CNTN5: variants seen among roughly 807,000 people sequenced by gnomAD.
CNTN5 encodes the protein contactin-5.
CNTN5 carries 77 observed loss-of-function variants against 129.1 expected under a neutral mutation model. That is an observed-to-expected ratio of 0.60 (90% CI 0.50 to 0.72). CNTN5 has a LOEUF of 0.72. Among genes scored for constraint, CNTN5 ranks in the 30% least tolerant of loss-of-function variants. The pLI is 0.00. For missense variants in CNTN5, 1,478 were observed against 1,328.8 expected, an observed-to-expected ratio of 1.11 and a Z score of -1.75; for synonymous variants, 509 against 465.6, an observed-to-expected ratio of 1.09 and a Z score of -1.20.
intron 1 of CNTN5, among the ~76,000 whole-genome samples, chr11:99,053,330 A>C (rs894343127): frequency 6.6e-6 from 1 of 152,016 alleles, no homozygotes; most frequent in African/African-American, 2.4e-5. Context: ...AAAGAAAAAA[A>C]TAACAACTAA....
At chr11:99,021,817 T>C (rs1862883702) in intron 1 of CNTN5, among the ~76,000 whole-genome samples, 2 of 152,194 alleles carry the variant, frequency 1.3e-5, no homozygotes, top group South Asian at 4.1e-4. Context: ...CTGAGCTTTT[T>C]TCTAAAGGTT....
chr11:100,119,896 T>A (rs1234260941), intron 13 of CNTN5, among the ~76,000 whole-genome samples: 1 of 151,996 alleles, frequency 6.6e-6, no homozygotes, highest in African/African-American at 2.4e-5. Flanking sequence ...AAAGGAGTTC[T>A]GCACATTGGT....
intron 8 of CNTN5, among the ~76,000 whole-genome samples, chr11:99,993,252 A>T (rs1014249742): frequency 6.6e-6 from 1 of 152,330 alleles, no homozygotes; most frequent in African/African-American, 2.4e-5. Flanking sequence ...TTCTCAACAC[A>T]GTGATCTCAA....
intron 20 of CNTN5, among the ~76,000 whole-genome samples, chr11:100,300,875 G>A (rs1427789636): frequency 1.3e-5 from 2 of 151,474 alleles, no homozygotes; most frequent in East Asian, 1.9e-4. Flanking sequence ...CTAATGTAAA[G>A]GTTAAAACCA....
chr11:99,153,326 T>G (rs1440811831), intron 1 of CNTN5, among the ~76,000 whole-genome samples: 2 of 152,146 alleles, frequency 1.3e-5, no homozygotes, highest in African/African-American at 4.8e-5. Flanking sequence ...GGTTTGTTCA[T>G]TCCTTTTATT....
At chr11:100,177,348 T>C (rs912790258) in intron 13 of CNTN5, among the ~76,000 whole-genome samples, 2 of 152,068 alleles carry the variant, frequency 1.3e-5, no homozygotes, top group Non-Finnish European at 2.9e-5. Flanking sequence ...CTTTCCAGAA[T>C]TGATTACACT....
chr11:99,449,594 A>C (rs144244167), intron 2 of CNTN5, among the ~76,000 whole-genome samples: 25 of 152,290 alleles, frequency 1.6e-4, no homozygotes, highest in Middle Eastern at 3.4e-3. Flanking sequence ...ATTTCTCATG[A>C]TTCTGTGGAT....
chr11:99,732,131 C>T (rs1290455503), intron 3 of CNTN5, among the ~76,000 whole-genome samples: 1 of 152,050 alleles, frequency 6.6e-6, no homozygotes, highest in Non-Finnish European at 1.5e-5. Context: ...GTAAACAAGT[C>T]CTGATAGGCA....
At chr11:99,827,629 C>T (rs1027088245) in intron 4 of CNTN5, among the ~76,000 whole-genome samples, 1 of 152,110 alleles carries the variant, frequency 6.6e-6, no homozygotes, top group Admixed American at 6.6e-5. Flanking sequence ...GGCCCAGAAA[C>T]ATTTTCATAG....
intron 18 of CNTN5, among the ~76,000 whole-genome samples, chr11:100,277,579 C>A (rs372365168): frequency 1.2e-4 from 19 of 152,278 alleles, no homozygotes; most frequent in African/African-American, 4.1e-4. Flanking sequence ...ATCAATTATG[C>A]TGAGCACATT....
chr11:99,872,642 T>C (rs542587126), intron 6 of CNTN5, among the ~76,000 whole-genome samples: 1 of 152,250 alleles, frequency 6.6e-6, no homozygotes, highest in East Asian at 1.9e-4. Flanking sequence ...AGGTGATTCC[T>C]AGAAGCCGGA....
At chr11:99,576,402 A>G (rs1949352210) in intron 3 of CNTN5, among the ~76,000 whole-genome samples, 1 of 152,212 alleles carries the variant, frequency 6.6e-6, no homozygotes, top group Non-Finnish European at 1.5e-5. Flanking sequence ...TCCCTATTAT[A>G]AATGCATTAC....
intron 13 of CNTN5, among the ~76,000 whole-genome samples, chr11:100,182,796 A>G (rs773589309): frequency 7.2e-5 from 11 of 152,014 alleles, no homozygotes; most frequent in Non-Finnish European, 1.6e-4. Flanking sequence ...AATAAATTAA[A>G]CTTCAACATG....
chr11:99,424,321 CAA>C (rs1001042244), intron 2 of CNTN5, among the ~76,000 whole-genome samples: 6 of 152,160 alleles, frequency 3.9e-5, no homozygotes, highest in Admixed American at 3.9e-4. Flanking sequence ...AAATGCAGGA[CAA>C]AGTGTCGTGG....
At chr11:99,752,416 A>C (rs11221226) in intron 3 of CNTN5, among the ~76,000 whole-genome samples, 38,678 of 152,098 alleles carry the variant, frequency 0.25, 5,721 homozygotes, top group East Asian at 0.64. Flanking sequence ...AATAAATGAA[A>C]AGATAAATTG....
chr11:99,377,708 C>G (rs1006850354), intron 2 of CNTN5, among the ~76,000 whole-genome samples: 3 of 152,110 alleles, frequency 2.0e-5, no homozygotes, highest in African/African-American at 7.2e-5. Flanking sequence ...ATTATTTCCT[C>G]TTTAAAAAAG....
intron 13 of CNTN5, among the ~76,000 whole-genome samples, chr11:100,116,550 G>A (rs900565487): frequency 6.6e-6 from 1 of 150,960 alleles, no homozygotes; most frequent in Non-Finnish European, 1.5e-5. Context: ...TACCTAAAAA[G>A]AGAAAAAAGA....
chr11:99,469,104 G>A (rs1393198081), intron 2 of CNTN5, among the ~76,000 whole-genome samples: 1 of 152,012 alleles, frequency 6.6e-6, no homozygotes, highest in African/African-American at 2.4e-5. Flanking sequence ...AAAGAAAAGA[G>A]CTGTAAGTTA....
chr11:99,671,377 T>C (rs1340340248), intron 3 of CNTN5, among the ~76,000 whole-genome samples: 3 of 152,168 alleles, frequency 2.0e-5, no homozygotes, highest in African/African-American at 4.8e-5. Flanking sequence ...GTTTAACTTA[T>C]TGAAAAACAA....
Sources: gnomAD v4.1 joint callset for allele counts (sites outside exome capture counted in the v4.1 genomes callset) on GRCh38, gnomAD v4.1.1 for gene constraint, MANE v1.5 for transcripts, NCBI Gene and HGNC (gene_info 2026-07-23, HGNC 2026-07-21) for gene names.